The following DPP10 variants were observed in gnomAD, a reference collection of about 807,000 sequenced individuals.
DPP10 encodes the protein inactive dipeptidyl peptidase 10.
A neutral mutation model predicts 120.9 loss-of-function variants in DPP10; 33 were observed. The observed-to-expected ratio is 0.27, with a 90% CI of 0.21 to 0.37. The LOEUF is 0.37. DPP10 is among the 10% of genes least tolerant of loss of function. The pLI is 1.00. For synonymous variants in DPP10, 337 were observed against 326.1 expected, an observed-to-expected ratio of 1.03 and a Z score of -0.36; for missense variants, 816 against 942.8, an observed-to-expected ratio of 0.87 and a Z score of 1.76.
At chr2:115,703,209 A>G (rs1218464839) in intron 7 of DPP10, among the ~76,000 whole-genome samples, 1 of 151,726 alleles carries the variant, frequency 6.6e-6, no homozygotes. Flanking sequence ...TTTTAAATTT[A>G]TTTATTATTA....
chr2:114,443,736 C>T (rs1406226096), intron 1 of DPP10, among the ~76,000 whole-genome samples: 1 of 150,916 alleles, frequency 6.6e-6, no homozygotes, highest in Admixed American at 6.6e-5. Context: ...AACGTGATAT[C>T]CTGACAGGGC....
chr2:115,831,235 CTTCT>C (rs55773986), intron 21 of DPP10, among the ~76,000 whole-genome samples: 2,151 of 151,302 alleles, frequency 0.014, 46 homozygotes, highest in African/African-American at 0.046. Context: ...GCACAGATCA[CTTCT>C]TTCTTTCTTT....
At chr2:114,878,117 T>C (rs1691306257) in intron 1 of DPP10, among the ~76,000 whole-genome samples, 1 of 152,002 alleles carries the variant, frequency 6.6e-6, no homozygotes, top group African/African-American at 2.4e-5. Flanking sequence ...CAATAAAGAC[T>C]TCAGAATAGG....
chr2:115,301,528 A>G (rs933207025), intron 1 of DPP10, among the ~76,000 whole-genome samples: 1 of 150,032 alleles, frequency 6.7e-6, no homozygotes, highest in African/African-American at 2.5e-5. Flanking sequence ...AGCACAAGCA[A>G]TAATGCCGTG....
intron 1 of DPP10, among the ~76,000 whole-genome samples, chr2:115,253,053 G>A (rs962811024): frequency 6.6e-6 from 1 of 152,162 alleles, no homozygotes; most frequent in Non-Finnish European, 1.5e-5. Flanking sequence ...TAAGGTGTAC[G>A]GGAAGCATGG....
intron 3 of DPP10, among the ~76,000 whole-genome samples, chr2:115,457,684 A>C (rs1011791138): frequency 2.6e-5 from 4 of 152,138 alleles, no homozygotes; most frequent in African/African-American, 9.7e-5. Context: ...AACATTGGCA[A>C]AATGCGGAGA....
intron 1 of DPP10, among the ~76,000 whole-genome samples, chr2:114,456,578 T>A (rs1678599068): frequency 6.6e-6 from 1 of 152,162 alleles, no homozygotes; most frequent in Non-Finnish European, 1.5e-5. Context: ...CAACAGGATA[T>A]GATAACATGA....
At chr2:115,500,204 T>C (rs1249576718) in intron 4 of DPP10, among the ~76,000 whole-genome samples, 1 of 152,020 alleles carries the variant, frequency 6.6e-6, no homozygotes, top group Non-Finnish European at 1.5e-5. Flanking sequence ...TTAGGAGACT[T>C]AGCTATAATT....
chr2:114,992,640 C>T (rs1393395739), intron 1 of DPP10, among the ~76,000 whole-genome samples: 1 of 152,186 alleles, frequency 6.6e-6, no homozygotes, highest in African/African-American at 2.4e-5. Flanking sequence ...GACTAAGAAA[C>T]TCCTGAAAAT....
intron 1 of DPP10, among the ~76,000 whole-genome samples, chr2:114,656,381 G>A (rs1182418488): frequency 6.6e-6 from 1 of 152,026 alleles, no homozygotes; most frequent in East Asian, 1.9e-4. Context: ...AGGAGGAAAA[G>A]GAGTGATTTG....
chr2:115,115,016 A>G (rs2049423398), intron 1 of DPP10, among the ~76,000 whole-genome samples: 1 of 151,970 alleles, frequency 6.6e-6, no homozygotes, highest in Non-Finnish European at 1.5e-5. Context: ...GTGAGCAGTC[A>G]TAGGGCACTA....
At chr2:115,735,102 G>T (rs528809441) in intron 8 of DPP10, among the ~76,000 whole-genome samples, 1 of 152,264 alleles carries the variant, frequency 6.6e-6, no homozygotes, top group African/African-American at 2.4e-5. Context: ...TAAATTCCAC[G>T]CACCCACTTC....
At chr2:115,785,493 A>G (rs1683231221) in intron 17 of DPP10, among the ~76,000 whole-genome samples, 1 of 152,034 alleles carries the variant, frequency 6.6e-6, no homozygotes, top group South Asian at 2.1e-4. Flanking sequence ...TAGGCTTTTT[A>G]TTACTCATTT....
At chr2:114,502,439 C>T (rs1573508314) in intron 1 of DPP10, among the ~76,000 whole-genome samples, 2 of 152,068 alleles carry the variant, frequency 1.3e-5, no homozygotes, top group Admixed American at 1.3e-4. Context: ...GGTACCAGTA[C>T]GTAGACATAT....
chr2:115,545,969 A>G (rs1447396840), intron 5 of DPP10, among the ~76,000 whole-genome samples: 7 of 152,056 alleles, frequency 4.6e-5, no homozygotes, highest in Admixed American at 3.9e-4. Context: ...GGCTTTTCCA[A>G]CGCATTCTTG....
At chr2:115,193,238 T>C (rs1353790156) in intron 1 of DPP10, among the ~76,000 whole-genome samples, 3 of 152,236 alleles carry the variant, frequency 2.0e-5, no homozygotes, top group Non-Finnish European at 4.4e-5. Context: ...CATCCCTTTT[T>C]TTAAACAACC....
At chr2:115,803,556 G>T (rs1286217041) in intron 19 of DPP10, among the ~76,000 whole-genome samples, 2 of 152,146 alleles carry the variant, frequency 1.3e-5, no homozygotes, top group Non-Finnish European at 2.9e-5. Flanking sequence ...GCATGTTTTT[G>T]CAGTGGCTGG....
At chr2:114,731,804 C>G (rs766179544) in intron 1 of DPP10, among the ~76,000 whole-genome samples, 6 of 152,064 alleles carry the variant, frequency 3.9e-5, no homozygotes, top group Non-Finnish European at 5.9e-5. Flanking sequence ...CATGCGCAGC[C>G]AACAGGTTGG....
At chr2:115,084,299 G>A (rs918725282) in intron 1 of DPP10, among the ~76,000 whole-genome samples, 4 of 152,124 alleles carry the variant, frequency 2.6e-5, no homozygotes, top group Admixed American at 6.5e-5. Flanking sequence ...ACATAATAAT[G>A]CGCTGACCTC....
Sources: gnomAD v4.1 joint callset for allele counts (sites outside exome capture counted in the v4.1 genomes callset) on GRCh38, gnomAD v4.1.1 for gene constraint, MANE v1.5 for transcripts, NCBI Gene and HGNC (gene_info 2026-07-23, HGNC 2026-07-21) for gene names.